The following ITSN2 variants were observed in gnomAD, a reference collection of about 807,000 sequenced individuals.
ITSN2 encodes the protein intersectin-2.
A neutral mutation model predicts 243.7 loss-of-function variants in ITSN2; 156 were observed. That is an observed-to-expected ratio of 0.64 (90% CI 0.56 to 0.73). The LOEUF (loss-of-function observed/expected upper bound fraction) is 0.73. Ranked by LOEUF, ITSN2 falls within the 30% of genes least tolerant of loss-of-function variation. The probability of loss-of-function intolerance (pLI) is 0.00; values close to 1 mark genes in which losing one functional copy is unlikely to be tolerated. For synonymous variants in ITSN2, 703 were observed against 699.9 expected (o/e 1.00, Z -0.07); for missense variants, 1,801 against 1,996.1 (o/e 0.90, Z 1.86).
chr2:24,281,003 C>T (rs1213598080), intron 17 of ITSN2, among the ~76,000 whole-genome samples: 3 of 152,090 alleles, frequency 2.0e-5, no homozygotes, highest in Admixed American at 6.6e-5. Context: ...TTTCTTATAC[C>T]TGGTACATCT....
chr2:24,311,062 TACACACAC>T (rs71397421), intron 5 of ITSN2, among the ~76,000 whole-genome samples: 6 of 147,988 alleles, frequency 4.1e-5, no homozygotes, highest in South Asian at 2.2e-4. Flanking sequence ...ACTTGACTAA[TACACACAC>T]ACACACACAC....
rs34277672 is a variant in ITSN2, at chr2:24,260,805, G to GA, written c.2682+300dup. Among the ~76,000 whole-genome samples, 1,129 of 150,452 alleles carry GA rather than the reference G, an allele frequency of 7.5e-3. 10 individuals carry two copies. The highest frequency in any genetic ancestry group is 8.8e-3 in the Non-Finnish European group (595 of 67,832). ...TGTAATCCCAGCTACTCAGGAGGCT[G>GA]AGTCAGGAGAATCTCTTCAACCAGG... On this transcript the variant is annotated intron_variant, in intron 22 of 39. Coordinates refer to ENST00000355123, the MANE Select transcript of ITSN2 (RefSeq NM_006277.3).
Position 24,204,153 on chromosome 2 carries a change from G to A in ITSN2, c.4936+92C>T, listed in dbSNP as rs559418509. The A allele has an allele frequency of 2.4e-6, 3 of 1,257,732 alleles. No homozygotes were observed. Among genetic ancestry groups the A allele is most frequent in the Non-Finnish European group, 3.4e-6 (3 of 878,086 alleles). The allele number at this position is 1,257,732 out of a possible 1,614,324, so 77.9% of individuals were successfully genotyped here. On this transcript the variant is annotated intron_variant, in intron 39 of 39. Transcript: ENST00000355123. The surrounding 1 kb of genome is among the most constrained non-coding windows in gnomAD (Gnocchi z 5.1). ...CTGTGTCACTTCCCTGAAGTGGCAT[G>A]GGGTCTGCACACAGCTGAAGCCCCT... is the stretch of plus-strand genomic sequence containing the variant.
intron 20 of ITSN2, among the ~76,000 whole-genome samples, chr2:24,265,027 G>A (rs1463111689): frequency 6.6e-6 from 1 of 151,998 alleles, no homozygotes; most frequent in African/African-American, 2.4e-5. Flanking sequence ...CTGGTCTCAC[G>A]CAATCTTCCC....
rs571501214 is a variant in ITSN2 at position 24,282,136 on chromosome 2, C to T, written c.1944+2627G>A. ...TCCAAGACCACCCTGGCCTGCCACG[C>T]CACCATCCTGTGCCTACAAAAACCC... On this transcript the variant is annotated intron_variant, in intron 17 of 39. Transcript: ENST00000355123. Among the ~76,000 whole-genome samples, 5 of 152,336 alleles carry T rather than the reference C, an allele frequency of 3.3e-5. No homozygotes were observed. The South Asian group carries it at 1.0e-3, about 32-fold the overall frequency.
At chr2:24,302,896 T>C (rs1035726568) in intron 9 of ITSN2, among the ~76,000 whole-genome samples, 4 of 152,234 alleles carry the variant, frequency 2.6e-5, no homozygotes, top group African/African-American at 9.6e-5. Context: ...ACTGCATTTA[T>C]AATGGTGGTC....
intron 9 of ITSN2, among the ~76,000 whole-genome samples, chr2:24,303,187 TG>T (rs1682012952): frequency 6.6e-6 from 1 of 152,274 alleles, no homozygotes; most frequent in African/African-American, 2.4e-5. Flanking sequence ...AAAAGTTAAC[TG>T]TAAGACAGCC....
chr2:24,204,465 CGAA>C lies in ITSN2; in HGVS notation c.4763-50_4763-48del, dbSNP rs748421041. On this transcript the variant is annotated intron_variant, in intron 38 of 39. Transcript: ENST00000355123. The surrounding 1 kb of genome is among the most constrained non-coding windows in gnomAD (Gnocchi z 5.1). ...ACACATGTGGTGCATGCAGGTAAAA[CGAA>C]GCGACTGACAGTGCCCTCCCTGAGC... 5 of 1,565,108 alleles carry C rather than the reference CGAA, an allele frequency of 3.2e-6. No homozygotes were observed. The highest frequency in any genetic ancestry group is 4.4e-6 in the Non-Finnish European group (5 of 1,135,562).
rs561782215 is a variant in ITSN2, at chr2:24,281,652, C to CA, written c.1944+3110dup. On this transcript the variant is annotated intron_variant, in intron 17 of 39. Coordinates refer to ENST00000355123, the MANE Select transcript of ITSN2 (RefSeq NM_006277.3). ...AATTTAAATACATCACCTCCAACTT[C>CA]AAAAAGACATTCAACATTGCTCAGC... Among the ~76,000 whole-genome samples the CA allele has an allele frequency of 6.0e-3, 920 of 152,356 alleles. 4 individuals are homozygous for CA. The highest frequency in any genetic ancestry group is 9.2e-3 in the Non-Finnish European group (628 of 68,038).
At chr2:24,308,284 T>A (rs911982478) in intron 8 of ITSN2, among the ~76,000 whole-genome samples, 1 of 152,182 alleles carries the variant, frequency 6.6e-6, no homozygotes, top group East Asian at 1.9e-4. Context: ...GAGGCTAAGT[T>A]CCACACACTC....
At position 24,266,788 on chromosome 2, in the gene ITSN2, A is replaced by AAT. The variant is rs1553364375; in HGVS notation, c.2355+3882_2355+3883insAT. Among the ~76,000 whole-genome samples the AAT allele has an allele frequency of 2.1e-4, 30 of 141,370 alleles. 8 individuals are homozygous for AAT. Among genetic ancestry groups the AAT allele is most frequent in the Non-Finnish European group, 2.6e-4 (17 of 64,780 alleles). 92.7% of individuals were successfully genotyped at this position (141,370 alleles called of 152,430 possible). On this transcript the variant is annotated intron_variant, in intron 20 of 39. Coordinates refer to ENST00000355123, the MANE Select transcript of ITSN2 (RefSeq NM_006277.3). The stretch of plus-strand genomic sequence containing the variant: ...TCCACAAAAAAAAAAAAAAAAAAAA[A>AAT]TAGCCAGGTGTGGTGGTGTGTGCCT...
At position 24,216,018 on chromosome 2, in the gene ITSN2, G is replaced by A. The variant is rs767813557; in HGVS notation, c.3990+31C>T. The A allele has an allele frequency of 3.9e-6, 6 of 1,531,976 alleles. No homozygotes were observed. In the African/African-American group the frequency reaches 6.9e-5, roughly 18 times the overall value. The allele number at this position is 1,531,976 out of a possible 1,614,324, so 94.9% of individuals were successfully genotyped here. On this transcript the variant is annotated intron_variant, in intron 32 of 39. Transcript: ENST00000355123. ...GCTGTTGCCTCCAGCCTCAGAAGGA[G>A]CCTGACCCGCAAGGCCCAGAATGGA... is the stretch of plus-strand genomic sequence containing the variant.
In ITSN2 at chr2:24,261,094, C is replaced by CA; in HGVS notation, c.2682+11dup. On this transcript the variant is annotated intron_variant, in intron 22 of 39. Transcript: ENST00000355123. Reference sequence around the variant, plus strand: ...CAAAGAATAAAGCCCACAAAAATAACAGACAACATACCTGTCCATGAATAG... The same window carrying CA: ...CAAAGAATAAAGCCCACAAAAATAACAAGACAACATACCTGTCCATGAATAG... 6.3e-7 allele frequency: 1 copy of CA among 1,599,860 alleles called. No individual in the cohort carries two copies. Among genetic ancestry groups the CA allele is most frequent in the South Asian group, 1.1e-5 (1 of 87,656 alleles).
At chr2:24,246,965 A>C (rs1673457774) in intron 27 of ITSN2, 72 bp from the exon 28 acceptor site, 4 of 1,079,782 alleles carry the variant, frequency 3.7e-6, no homozygotes, top group Non-Finnish European at 4.2e-6. Context: ...TAACTTAAAA[A>C]TTAGAAAAAC....
At chr2:24,356,859 C>T (rs1309282407) in intron 1 of ITSN2, among the ~76,000 whole-genome samples, 5 of 151,480 alleles carry the variant, frequency 3.3e-5, no homozygotes, top group East Asian at 1.9e-4. Context: ...GTTGGGATCG[C>T]GCCATTGCAC....
Position 24,310,570 on chromosome 2 carries a change from C to CT in ITSN2, c.474dup (p.Val159SerfsTer5). 6.2e-7 allele frequency: 1 copy of CT among 1,613,942 alleles called. No homozygotes were observed. Among genetic ancestry groups the CT allele is most frequent in the Non-Finnish European group, 8.5e-7 (1 of 1,179,996 alleles). Reference sequence around the variant, plus strand: ...AATGATGATGTGCTAACAGAAGGCACTAGGGGAGTGGGCATCATTAAGGGA... The same window carrying CT: ...AATGATGATGTGCTAACAGAAGGCACTTAGGGGAGTGGGCATCATTAAGGGA... On this transcript the variant is annotated frameshift_variant, in exon 6 of 40. Coordinates refer to ENST00000355123, the MANE Select transcript of ITSN2 (RefSeq NM_006277.3). LOFTEE classifies it high-confidence loss of function.
chr2:24,343,075 A>C (rs1436480952), intron 1 of ITSN2, among the ~76,000 whole-genome samples: 1 of 150,282 alleles, frequency 6.7e-6, no homozygotes, highest in Non-Finnish European at 1.5e-5. Context: ...TGAGTAACAG[A>C]GTGAGACCCC....
At chr2:24,269,409 C>G (rs1213571080) in intron 20 of ITSN2, among the ~76,000 whole-genome samples, 2 of 152,192 alleles carry the variant, frequency 1.3e-5, no homozygotes, top group African/African-American at 4.8e-5. Flanking sequence ...CCATCATTAA[C>G]CAATTTGTTC....
chr2:24,347,677 A>AT (rs1251067310), intron 1 of ITSN2, among the ~76,000 whole-genome samples: 1 of 151,910 alleles, frequency 6.6e-6, no homozygotes, highest in Non-Finnish European at 1.5e-5. Context: ...TAAGAGCGAA[A>AT]TGTCATCTCA....
Sources: gnomAD v4.1 joint callset for allele counts (sites outside exome capture counted in the v4.1 genomes callset) on GRCh38, gnomAD v4.1.1 for gene constraint, Gnocchi (gnomAD v3.1) non-coding constraint, MANE v1.5 for transcripts, NCBI Gene and HGNC (gene_info 2026-07-23, HGNC 2026-07-21) for gene names.